Variants in CREBBP observed in about 807,000 individuals in gnomAD.
The protein encoded by CREBBP is CREB binding lysine acetyltransferase.
Under a neutral mutation model 265.0 loss-of-function variants are expected in CREBBP, and 19 were observed. That is an observed-to-expected ratio of 0.07 (90% CI 0.05 to 0.11). The LOEUF is 0.11. CREBBP is among the 10% of genes least tolerant of loss of function. The probability of loss-of-function intolerance (pLI) is 1.00; values close to 1 mark genes in which losing one functional copy is unlikely to be tolerated. For synonymous variants in CREBBP, 1,457 were observed against 1,223.7 expected, an observed-to-expected ratio of 1.19 and a Z score of -3.98; for missense variants, 2,525 against 3,219.0, an observed-to-expected ratio of 0.78 and a Z score of 5.22.
intron 1 of CREBBP, among the ~76,000 whole-genome samples, chr16:3,874,564 G>T (rs564825588): frequency 2.6e-5 from 4 of 152,324 alleles, no homozygotes; most frequent in African/African-American, 9.6e-5. Flanking sequence ...TGCAACAAGA[G>T]ACCATATGGC....
At chr16:3,780,441 A>G (rs373891514) in intron 8 of CREBBP, among the ~76,000 whole-genome samples, 2 of 152,156 alleles carry the variant, frequency 1.3e-5, no homozygotes, top group South Asian at 2.1e-4. Context: ...GCAGAAGCAC[A>G]TTAAGGCCGG....
rs1415498772 is a variant in CREBBP, at chr16:3,803,278, G to A, written c.975+7325C>T. On this transcript the variant is annotated intron_variant, in intron 3 of 30. Transcript: ENST00000262367. ...CTGACGGCGGGGAGGGGGGGGGGGG[G>A]GGTGGATCACGAGGTCAGGAGTTCA... Among the ~76,000 whole-genome samples the A allele has an allele frequency of 5.5e-5, 2 of 36,370 alleles. 1 individual carries two copies. Among genetic ancestry groups the A allele is most frequent in the East Asian group, 2.2e-3 (2 of 904 alleles). 23.9% of individuals were successfully genotyped at this position (36,370 alleles called of 152,430 possible).
Position 3,731,540 on chromosome 16 carries a change from A to G in CREBBP, c.4891-67T>C, listed in dbSNP as rs749739383. ...GCACCTCCAGTGGTGAGCTCAGGGC[A>G]GGCGCAGCCACCCAGCCTGCAGAAT... On this transcript the variant is annotated intron_variant, in intron 29 of 30. Coordinates refer to ENST00000262367, the MANE Select transcript of CREBBP (RefSeq NM_004380.3). The surrounding 1 kb of genome is among the most constrained non-coding windows in gnomAD (Gnocchi z 7.7). 3 of 1,539,764 alleles carry G rather than the reference A, an allele frequency of 1.9e-6. No homozygotes were observed. Among genetic ancestry groups the G allele is most frequent in the Non-Finnish European group, 2.6e-6 (3 of 1,141,974 alleles).
At chr16:3,730,358 C>G (rs1487931493) in intron 30 of CREBBP, among the ~76,000 whole-genome samples, 4 of 152,132 alleles carry the variant, frequency 2.6e-5, no homozygotes, top group African/African-American at 4.8e-5. Context: ...GAGGCCGGTC[C>G]CTCCCAAAGC....
chr16:3,850,041 G>A (rs1456730008), intron 2 of CREBBP, among the ~76,000 whole-genome samples: 4 of 152,090 alleles, frequency 2.6e-5, no homozygotes, highest in South Asian at 2.1e-4. Context: ...CCAGGTTCAC[G>A]GACACATTAG....
chr16:3,807,894 G>A (rs1381986143), intron 3 of CREBBP, among the ~76,000 whole-genome samples: 1 of 152,142 alleles, frequency 6.6e-6, no homozygotes, highest in Middle Eastern at 3.2e-3. Flanking sequence ...AAAGGCACAC[G>A]TGGGCACAGC....
chr16:3,732,504 C>T (rs1243648618), intron 28 of CREBBP, among the ~76,000 whole-genome samples: 1 of 152,194 alleles, frequency 6.6e-6, no homozygotes, highest in African/African-American at 2.4e-5. Context: ...GCTCTCAGCC[C>T]ACAGGCTCCT....
intron 2 of CREBBP, among the ~76,000 whole-genome samples, chr16:3,830,099 G>A (rs557829082): frequency 3.9e-5 from 6 of 152,252 alleles, no homozygotes; most frequent in African/African-American, 1.4e-4. Flanking sequence ...ATACTTAAGA[G>A]ACAAAGTTAA....
chr16:3,864,455 G>T (rs1260566690), intron 1 of CREBBP, among the ~76,000 whole-genome samples: 1 of 152,056 alleles, frequency 6.6e-6, no homozygotes, highest in South Asian at 2.1e-4. Flanking sequence ...GACCAGCCTG[G>T]GCAACATAGC....
intron 21 of CREBBP, among the ~76,000 whole-genome samples, chr16:3,747,252 C>G (rs2052363812): frequency 6.6e-6 from 1 of 152,208 alleles, no homozygotes; most frequent in South Asian, 2.1e-4. Flanking sequence ...ACACTAGAAC[C>G]AGTGCTATTC....
chr16:3,855,033 C>T (rs1489124739), intron 1 of CREBBP, among the ~76,000 whole-genome samples: 1 of 152,190 alleles, frequency 6.6e-6, no homozygotes, highest in Non-Finnish European at 1.5e-5. Context: ...GGAAATGTAA[C>T]ACTGATACAA....
At chr16:3,798,679 T>C (rs1329034553) in intron 3 of CREBBP, among the ~76,000 whole-genome samples, 1 of 152,098 alleles carries the variant, frequency 6.6e-6, no homozygotes, top group Admixed American at 6.5e-5. Flanking sequence ...TGCTAACCAA[T>C]AGCAACAGGG....
chr16:3,725,692 T>C lies in CREBBP; in HGVS notation c.*2026A>G. 1 of 233,320 alleles carries C rather than the reference T, an allele frequency of 4.3e-6. No homozygotes were observed. Among genetic ancestry groups the C allele is most frequent in the Non-Finnish European group, 8.5e-6 (1 of 118,046 alleles). 14.5% of individuals were successfully genotyped at this position (233,320 alleles called of 1,614,324 possible). ...TAACTCAAGGTTCAAAGCTCTGTGC[T>C]AAAACTAGATCGGACCTTTCCAACT... is the stretch of plus-strand genomic sequence containing the variant. On this transcript the variant is annotated 3_prime_UTR_variant, in exon 31 of 31. Transcript: ENST00000262367.
chr16:3,792,810 TA>T (rs906705853), intron 4 of CREBBP, among the ~76,000 whole-genome samples: 24 of 152,192 alleles, frequency 1.6e-4, no homozygotes, highest in African/African-American at 5.8e-4. Flanking sequence ...GTGTCTGCGG[TA>T]AAAGGGGAGA....
rs59990532 is a variant in CREBBP, at chr16:3,842,967, C to CAAAAAAAAA, written c.798+7321_798+7329dup. On this transcript the variant is annotated intron_variant, in intron 2 of 30. Transcript: ENST00000262367. Reference sequence around the variant, plus strand: ...GGCAAAAAGAGCGAAACTCCCATCTCAAAAAAAAAAAAAAAAAAAAAAAAA... The same window carrying CAAAAAAAAA: ...GGCAAAAAGAGCGAAACTCCCATCTCAAAAAAAAAAAAAAAAAAAAAAAAAAAAAAAAAA... Among the ~76,000 whole-genome samples the CAAAAAAAAA allele has an allele frequency of 8.6e-4, 56 of 65,212 alleles. 1 individual carries two copies. Among genetic ancestry groups the CAAAAAAAAA allele is most frequent in the African/African-American group, 3.6e-3 (56 of 15,680 alleles). 42.8% of individuals were successfully genotyped at this position (65,212 alleles called of 152,430 possible).
At chr16:3,762,515 A>C (rs2052745627) in intron 16 of CREBBP, among the ~76,000 whole-genome samples, 1 of 150,986 alleles carries the variant, frequency 6.6e-6, no homozygotes. Context: ...CTTCACCAGC[A>C]CCTTTCTGTA....
intron 26 of CREBBP, 164 bp from the exon 27 acceptor site, chr16:3,736,979 T>C: frequency 1.2e-6 from 1 of 820,250 alleles, no homozygotes; most frequent in South Asian, 1.5e-5. Context: ...GGCTCGAACT[T>C]TATCCTGAGC....
chr16:3,879,701 G>A (rs2055483522), intron 1 of CREBBP, 131 bp downstream of exon 1: 1 of 989,786 alleles, frequency 1.0e-6, no homozygotes, highest in Non-Finnish European at 1.6e-6. Context: ...CGGGGCGAGG[G>A]GAACGGGCTG....
rs2053255777 is a variant in CREBBP, at chr16:3,780,794, A to G, written c.1761T>C (p.Gly587=). 1 of 1,613,840 alleles carries G rather than the reference A, an allele frequency of 6.2e-7. No individual in the cohort carries two copies. The highest frequency in any genetic ancestry group is 8.5e-7 in the Non-Finnish European group (1 of 1,180,006). The change falls in exon 8 of 31, where the codon GGT becomes GGC. Residue 587 remains glycine, a synonymous_variant. Transcript: ENST00000262367. ...CATGTTCGTGCCAGCCTTTCCTTAC[A>G]CCGGTGCTAGAAGGAGGAGCTGCTG... The part of the protein sequence containing the change: ...IPTAAPPSST[G]VRKGWHEHVT...
Sources: allele counts gnomAD v4.1 joint callset (sites outside exome capture counted in the v4.1 genomes callset), GRCh38; gene constraint gnomAD v4.1.1; non-coding constraint Gnocchi (gnomAD v3.1); transcripts MANE v1.5; gene names NCBI Gene and HGNC (gene_info 2026-07-23, HGNC 2026-07-21).